Variants in DOCK1 observed in about 807,000 individuals in gnomAD.
DOCK1 encodes the protein dedicator of cytokinesis 1, also known as dedicator of cytokinesis protein 1.
A neutral mutation model predicts 262.7 loss-of-function variants in DOCK1; 138 were observed. The ratio of observed to expected loss-of-function variants is 0.53; its 90% confidence interval spans 0.46 to 0.61. The LOEUF (loss-of-function observed/expected upper bound fraction) is 0.61, where lower values mean the gene tolerates loss of function less well. DOCK1 is among the 20% of genes least tolerant of loss of function. The pLI, the probability that DOCK1 is intolerant of heterozygous loss-of-function variation, is 0.00. For synonymous variants in DOCK1, 866 were observed against 867.4 expected, an observed-to-expected ratio of 1.00 and a Z score of 0.03; for missense variants, 1,908 against 2,370.7, an observed-to-expected ratio of 0.80 and a Z score of 4.05.
chr10:127,164,945 G>A (rs550654832), intron 27 of DOCK1, among the ~76,000 whole-genome samples: 17 of 152,288 alleles, frequency 1.1e-4, no homozygotes, highest in Non-Finnish European at 2.2e-4. Flanking sequence ...TCCAGCTGAG[G>A]CCGAGTTGAT....
At chr10:126,935,293 C>T (rs1237217638) in intron 1 of DOCK1, among the ~76,000 whole-genome samples, 1 of 152,222 alleles carries the variant, frequency 6.6e-6, no homozygotes, top group East Asian at 1.9e-4. Flanking sequence ...CTTTAATCTA[C>T]ACTGTGTTCA....
intron 51 of DOCK1, among the ~76,000 whole-genome samples, chr10:127,448,479 C>A (rs1168937446): frequency 6.6e-6 from 1 of 152,190 alleles, no homozygotes; most frequent in Admixed American, 6.5e-5. Flanking sequence ...CCCTGCGGGT[C>A]CCAGCCCCAT....
At chr10:127,029,826 C>T (rs1225608062) in intron 16 of DOCK1, among the ~76,000 whole-genome samples, 1 of 152,148 alleles carries the variant, frequency 6.6e-6, no homozygotes, top group Non-Finnish European at 1.5e-5. Context: ...TGTCACACAT[C>T]CTTCTGAACC....
At chr10:126,948,462 T>A (rs1445405844) in intron 1 of DOCK1, among the ~76,000 whole-genome samples, 1 of 151,754 alleles carries the variant, frequency 6.6e-6, no homozygotes, top group African/African-American at 2.4e-5. Context: ...ATTGTGTTGG[T>A]AGTACTGATG....
intron 27 of DOCK1, among the ~76,000 whole-genome samples, chr10:127,233,147 A>G (rs550401607): frequency 6.6e-6 from 1 of 152,224 alleles, no homozygotes; most frequent in Non-Finnish European, 1.5e-5. Context: ...AATTTTGTTC[A>G]AGGAGATTAA....
At chr10:127,375,548 C>T (rs951236444) in intron 35 of DOCK1, among the ~76,000 whole-genome samples, 1 of 152,220 alleles carries the variant, frequency 6.6e-6, no homozygotes, top group Non-Finnish European at 1.5e-5. Flanking sequence ...ACATCATTCA[C>T]TCTTTAAAAA....
intron 27 of DOCK1, among the ~76,000 whole-genome samples, chr10:127,200,003 C>T (rs528514725): frequency 5.3e-5 from 8 of 152,346 alleles, no homozygotes; most frequent in African/African-American, 1.9e-4. Flanking sequence ...AGTTTAGCTA[C>T]ACAGCAGAAC....
intron 27 of DOCK1, among the ~76,000 whole-genome samples, chr10:127,170,111 C>A (rs2133818553): frequency 6.6e-6 from 1 of 151,998 alleles, no homozygotes; most frequent in Non-Finnish European, 1.5e-5. Context: ...CAGGGAACTG[C>A]CCCCATGATG....
chr10:127,009,898 C>T (rs2041302961), intron 11 of DOCK1, among the ~76,000 whole-genome samples: 1 of 152,112 alleles, frequency 6.6e-6, no homozygotes, highest in Admixed American at 6.6e-5. Flanking sequence ...TCTTGAGTGC[C>T]ACTGGCTAAG....
intron 23 of DOCK1, among the ~76,000 whole-genome samples, chr10:127,093,350 A>G (rs1202083327): frequency 6.9e-6 from 1 of 144,578 alleles, no homozygotes; most frequent in East Asian, 2.0e-4. Context: ...GGCTCAAGTA[A>G]TCCTCCTACC....
chr10:127,212,622 C>A (rs1322280767), intron 27 of DOCK1, among the ~76,000 whole-genome samples: 1 of 151,954 alleles, frequency 6.6e-6, no homozygotes, highest in Admixed American at 6.5e-5. Flanking sequence ...TTCCCGATGC[C>A]CAGCAAGGCC....
At chr10:127,237,113 C>T (rs545795705) in intron 27 of DOCK1, among the ~76,000 whole-genome samples, 14 of 152,070 alleles carry the variant, frequency 9.2e-5, no homozygotes, top group Admixed American at 7.9e-4. Context: ...AATCCCAGCA[C>T]TTTGGGAGGC....
intron 27 of DOCK1, chr10:127,195,918 C>T (rs2057101489): frequency 6.6e-6 from 1 of 152,236 alleles, no homozygotes; most frequent in Non-Finnish European, 1.5e-5. Flanking sequence ...GGTCGGCGCC[C>T]GTCCCAGCGG....
At chr10:127,394,651 A>G (rs923854091) in intron 38 of DOCK1, among the ~76,000 whole-genome samples, 1 of 152,236 alleles carries the variant, frequency 6.6e-6, no homozygotes, top group Non-Finnish European at 1.5e-5. Flanking sequence ...TCATATGTTC[A>G]TTATGATTTG....
At chr10:127,211,594 T>C (rs968957255) in intron 27 of DOCK1, among the ~76,000 whole-genome samples, 4 of 152,264 alleles carry the variant, frequency 2.6e-5, no homozygotes, top group Non-Finnish European at 5.9e-5. Context: ...AGCTTTCATT[T>C]ATTGAATTTT....
rs930132890 is a variant in DOCK1 at position 127,328,430 on chromosome 10, C to T, written c.3045-10576C>T. Among the ~76,000 whole-genome samples, 14 of 152,280 alleles carry T rather than the reference C, an allele frequency of 9.2e-5. 1 individual carries two copies. The highest frequency in any genetic ancestry group is 1.3e-4 in the Non-Finnish European group (9 of 68,030). On this transcript the variant is annotated intron_variant, in intron 29 of 51. Coordinates refer to ENST00000623213, the MANE Select transcript of DOCK1 (RefSeq NM_001290223.2). Reference sequence around the variant, plus strand: ...CATTTACACTGTTTTTGTAAGGATGCGTTGCTGGATGCTGTGGGGAATAAA... The same window carrying T: ...CATTTACACTGTTTTTGTAAGGATGTGTTGCTGGATGCTGTGGGGAATAAA...
intron 43 of DOCK1, among the ~76,000 whole-genome samples, chr10:127,414,715 G>A (rs892871979): frequency 2.0e-5 from 3 of 150,146 alleles, no homozygotes; most frequent in South Asian, 4.4e-4. Context: ...AACATCAGAG[G>A]TCACTTTGAT....
At chr10:127,359,836 A>G (rs1288656134) in intron 32 of DOCK1, among the ~76,000 whole-genome samples, 1 of 139,502 alleles carries the variant, frequency 7.2e-6, no homozygotes, top group African/African-American at 2.9e-5. Context: ...ACTGAGTTGC[A>G]AAGAAAACTA....
chr10:127,068,850 C>T (rs147327037), intron 23 of DOCK1, among the ~76,000 whole-genome samples: 403 of 152,300 alleles, frequency 2.6e-3, no homozygotes, highest in Non-Finnish European at 4.3e-3. Flanking sequence ...TATATATCTA[C>T]CTGTGTCCTT....
Sources: allele counts gnomAD v4.1 joint callset (sites outside exome capture counted in the v4.1 genomes callset), GRCh38; gene constraint gnomAD v4.1.1; transcripts MANE v1.5; gene names NCBI Gene and HGNC (gene_info 2026-07-23, HGNC 2026-07-21).